Variants in ERBB4 observed in about 807,000 individuals in gnomAD.
ERBB4 encodes receptor tyrosine-protein kinase erbB-4.
ERBB4 carries 42 observed loss-of-function variants against 158.0 expected under a neutral mutation model. The observed-to-expected ratio is 0.27, with a 90% confidence interval of 0.21 to 0.34. ERBB4 has a LOEUF of 0.34. Ranked by LOEUF, ERBB4 falls within the 10% of genes least tolerant of loss-of-function variation. ERBB4 has a pLI of 1.00. For synonymous variants in ERBB4, 583 were observed against 558.7 expected (o/e 1.04, Z -0.61); for missense variants, 1,333 against 1,624.1 (o/e 0.82, Z 3.08).
intron 25 of ERBB4, among the ~76,000 whole-genome samples, chr2:211,401,131 C>CAAAG (rs902003268): frequency 6.6e-6 from 1 of 151,730 alleles, no homozygotes; most frequent in African/African-American, 2.4e-5. Context: ...AGCAGTAATT[C>CAAAG]AAAGAAAGGC....
chr2:212,355,565 C>T (rs996681554), intron 1 of ERBB4, among the ~76,000 whole-genome samples: 5 of 151,992 alleles, frequency 3.3e-5, no homozygotes, highest in African/African-American at 9.7e-5. Context: ...AGCAAGGCTG[C>T]TCGTTATTGT....
chr2:212,176,428 C>T lies in ERBB4; in HGVS notation c.83-51525G>A, dbSNP rs146064676. ...TTACTCACTCTCCACCCTGTAGACA[C>T]GCAGCAAGAAGCTAGCTATCTGCAA... On this transcript the variant is annotated intron_variant, in intron 1 of 27. Coordinates refer to ENST00000342788, the MANE Select transcript of ERBB4 (RefSeq NM_005235.3). Among the ~76,000 whole-genome samples the T allele has an allele frequency of 1.1e-3, 163 of 152,072 alleles. 1 individual carries two copies. Among genetic ancestry groups the T allele is most frequent in the African/African-American group, 3.5e-3 (147 of 41,520 alleles).
chr2:212,316,543 T>A (rs975165272), intron 1 of ERBB4, among the ~76,000 whole-genome samples: 3 of 151,560 alleles, frequency 2.0e-5, no homozygotes, highest in African/African-American at 7.3e-5. Context: ...TGAATTTACT[T>A]TGGAACCCCA....
At chr2:211,711,927 G>A in intron 9 of ERBB4, 123 bp downstream of exon 9, 2 of 796,536 alleles carry the variant, frequency 2.5e-6, no homozygotes, top group South Asian at 1.6e-5. Context: ...TTTTGTTGGT[G>A]AGGAGCATTA....
intron 3 of ERBB4, among the ~76,000 whole-genome samples, chr2:211,933,292 G>C (rs980882491): frequency 6.6e-6 from 1 of 152,006 alleles, no homozygotes; most frequent in Non-Finnish European, 1.5e-5. Context: ...GTGAACAATG[G>C]TATCAATGAC....
rs183513107 is a variant in ERBB4 at position 211,917,499 on chromosome 2, A to G, written c.421+29931T>C. On this transcript the variant is annotated intron_variant, in intron 3 of 27. Coordinates refer to ENST00000342788, the MANE Select transcript of ERBB4 (RefSeq NM_005235.3). ...AGATGAAGAAACAAAATATGGAGAC[A>G]TTAAGCAGTTTGTTCAATGCCCAAC... Among the ~76,000 whole-genome samples the G allele has an allele frequency of 2.5e-3, 383 of 152,318 alleles. 2 individuals are homozygous for G. The highest frequency in any genetic ancestry group is 3.9e-3 in the Admixed American group (59 of 15,290).
At chr2:211,881,216 C>T (rs780030461) in intron 3 of ERBB4, among the ~76,000 whole-genome samples, 7 of 152,190 alleles carry the variant, frequency 4.6e-5, no homozygotes, top group East Asian at 1.9e-4. Context: ...GAAGTGGTCT[C>T]GGCCAAAGCA....
chr2:212,300,976 A>G (rs1352646950), intron 1 of ERBB4, among the ~76,000 whole-genome samples: 1 of 151,572 alleles, frequency 6.6e-6, no homozygotes, highest in African/African-American at 2.4e-5. Flanking sequence ...TCTGGAAAGC[A>G]AAATATTTCT....
intron 1 of ERBB4, among the ~76,000 whole-genome samples, chr2:212,162,659 G>T (rs16847806): frequency 0.062 from 9,476 of 151,932 alleles, 1,020 homozygotes; most frequent in African/African-American, 0.22. Flanking sequence ...TGCAATTCAT[G>T]TTTTAATGTA....
chr2:211,458,546 C>T (rs755845840), intron 20 of ERBB4, among the ~76,000 whole-genome samples: 6 of 152,036 alleles, frequency 3.9e-5, no homozygotes, highest in Admixed American at 1.3e-4. Context: ...ATTACAGGCG[C>T]GATCCACCAC....
intron 3 of ERBB4, among the ~76,000 whole-genome samples, chr2:211,835,005 A>G (rs2077309223): frequency 6.6e-6 from 1 of 152,138 alleles, no homozygotes; most frequent in Non-Finnish European, 1.5e-5. Flanking sequence ...TAATGCATAA[A>G]CATGTCAACC....
At chr2:212,489,023 T>C (rs1690128761) in intron 1 of ERBB4, among the ~76,000 whole-genome samples, 1 of 150,494 alleles carries the variant, frequency 6.6e-6, no homozygotes, top group Admixed American at 6.7e-5. Flanking sequence ...TGCATTTGTA[T>C]GGTAGGCAAT....
intron 16 of ERBB4, among the ~76,000 whole-genome samples, chr2:211,651,903 A>T (rs577066247): frequency 5.9e-5 from 9 of 151,900 alleles, no homozygotes; most frequent in Admixed American, 4.6e-4. Flanking sequence ...TAAGGAAAAA[A>T]CCCAGCTATG....
intron 25 of ERBB4, among the ~76,000 whole-genome samples, chr2:211,392,092 C>T (rs1388150833): frequency 6.6e-6 from 1 of 152,202 alleles, no homozygotes; most frequent in Non-Finnish European, 1.5e-5. Context: ...GACACTTCCA[C>T]ATAGTAACTA....
intron 23 of ERBB4, 109 bp from the exon 24 acceptor site, chr2:211,422,213 T>C: frequency 1.4e-6 from 1 of 721,016 alleles, no homozygotes; most frequent in Admixed American, 2.0e-5. Context: ...GTTTTAATCG[T>C]AATGATCTGA....
At chr2:211,659,879 G>A (rs1253001636) in intron 15 of ERBB4, among the ~76,000 whole-genome samples, 1 of 152,174 alleles carries the variant, frequency 6.6e-6, no homozygotes. Flanking sequence ...ACATGAAAAA[G>A]TGGTTCATGG....
At chr2:212,342,050 G>A (rs545558292) in intron 1 of ERBB4, among the ~76,000 whole-genome samples, 19 of 152,250 alleles carry the variant, frequency 1.2e-4, no homozygotes, top group African/African-American at 4.1e-4. Flanking sequence ...CTTGAGCCCA[G>A]AAGTTGGAGA....
chr2:211,746,807 G>A (rs1406165101), intron 5 of ERBB4, among the ~76,000 whole-genome samples: 2 of 146,408 alleles, frequency 1.4e-5, no homozygotes, highest in African/African-American at 5.2e-5. Flanking sequence ...TCCAGCCTGG[G>A]TGACAGAGGG....
chr2:211,666,102 G>T (rs2071618390), intron 14 of ERBB4, among the ~76,000 whole-genome samples: 1 of 152,004 alleles, frequency 6.6e-6, no homozygotes, highest in African/African-American at 2.4e-5. Context: ...ACATTATCAG[G>T]AATTAGGCCG....
Sources: allele counts gnomAD v4.1 joint callset (sites outside exome capture counted in the v4.1 genomes callset), GRCh38; gene constraint gnomAD v4.1.1; transcripts MANE v1.5; gene names NCBI Gene and HGNC (gene_info 2026-07-23, HGNC 2026-07-21).